The following PREX1 variants were observed in gnomAD, a reference collection of about 807,000 sequenced individuals.
The protein encoded by PREX1 is phosphatidylinositol-3,4,5-trisphosphate dependent Rac exchange factor 1, also known as phosphatidylinositol 3,4,5-trisphosphate-dependent Rac exchanger 1 protein.
Under a neutral mutation model 198.3 loss-of-function variants are expected in PREX1, and 41 were observed. The observed-to-expected ratio is 0.21, with a 90% CI of 0.16 to 0.27. The LOEUF (loss-of-function observed/expected upper bound fraction) is 0.27. Among genes scored for constraint, PREX1 ranks in the 10% least tolerant of loss-of-function variants. The pLI, the probability that PREX1 is intolerant of heterozygous loss-of-function variation, is 1.00. For synonymous variants in PREX1, 843 were observed against 887.2 expected (o/e 0.95, Z 0.89); for missense variants, 1,620 against 2,200.7 (o/e 0.74, Z 5.28).
intron 1 of PREX1, among the ~76,000 whole-genome samples, chr20:48,769,763 C>T (rs1383167593): frequency 6.6e-6 from 1 of 152,220 alleles, no homozygotes; most frequent in South Asian, 2.1e-4. Flanking sequence ...GTGAAGCCTG[C>T]CCTGCCCACA....
chr20:48,769,011 C>T (rs2090222262), intron 1 of PREX1, among the ~76,000 whole-genome samples: 1 of 151,954 alleles, frequency 6.6e-6, no homozygotes, highest in South Asian at 2.1e-4. Context: ...GGTTTGTCTA[C>T]TGTCCACGCA....
At chr20:48,658,102 A>T (rs752644412) in intron 17 of PREX1, 34 bp downstream of exon 17, 2 of 1,596,330 alleles carry the variant, frequency 1.3e-6, no homozygotes, top group South Asian at 2.2e-5. Flanking sequence ...TGCCACCTGC[A>T]CACGGTCCCT....
At chr20:48,755,440 C>A (rs1004114779) in intron 1 of PREX1, among the ~76,000 whole-genome samples, 2 of 152,166 alleles carry the variant, frequency 1.3e-5, no homozygotes, top group African/African-American at 4.8e-5. Context: ...TGTGGGCATG[C>A]AACTAAGTTC....
At chr20:48,758,167 C>T (rs1394686924) in intron 1 of PREX1, among the ~76,000 whole-genome samples, 2 of 152,180 alleles carry the variant, frequency 1.3e-5, no homozygotes, top group Admixed American at 1.3e-4. Context: ...TGAGACCAAG[C>T]AAGTTACCAC....
rs748726462 is a variant in PREX1 at position 48,636,692 on chromosome 20, A to G, written c.3947-9T>C. ...CAGCTGCAGCTCCGTGTCTGGGGGC[A>G]GAGGGCAGGAGGCCTTGCTGGAGGG... On this transcript the variant is annotated splice_polypyrimidine_tract_variant and intron_variant, in intron 31 of 39. Coordinates refer to ENST00000371941, the MANE Select transcript of PREX1 (RefSeq NM_020820.4). 1 of 1,588,168 alleles carries G rather than the reference A, an allele frequency of 6.3e-7. No homozygotes were observed. The highest frequency in any genetic ancestry group is 1.1e-5 in the South Asian group (1 of 88,494).
rs544584686 is a variant in PREX1 at position 48,649,183 on chromosome 20, A to C, written c.3305+117T>G. Reference sequence around the variant, plus strand: ...AAAAAGATACTGCTAAATAGCCTATAATGTCCAGGACAGCCCACCCCCCAC... The same window carrying C: ...AAAAAGATACTGCTAAATAGCCTATCATGTCCAGGACAGCCCACCCCCCAC... On this transcript the variant is annotated intron_variant, in intron 25 of 39. Coordinates refer to ENST00000371941, the MANE Select transcript of PREX1 (RefSeq NM_020820.4). 27 of 1,392,408 alleles carry C rather than the reference A, an allele frequency of 1.9e-5. No individual in the cohort carries two copies. The South Asian group carries it at 2.0e-4, about 10-fold the overall frequency. The allele number at this position is 1,392,408 out of a possible 1,614,324, so 86.3% of individuals were successfully genotyped here.
intron 1 of PREX1, among the ~76,000 whole-genome samples, chr20:48,823,140 G>A (rs1361658992): frequency 6.6e-6 from 1 of 152,190 alleles, no homozygotes; most frequent in Non-Finnish European, 1.5e-5. Context: ...CTGTTCCTCA[G>A]AGACTCCCAT....
Position 48,642,460 on chromosome 20 carries a change from G to A in PREX1, c.3631C>T (p.Pro1211Ser), listed in dbSNP as rs781532811. 5 of 1,613,572 alleles carry A rather than the reference G, an allele frequency of 3.1e-6. No homozygotes were observed. Among genetic ancestry groups the A allele is most frequent in the Non-Finnish European group, 3.4e-6 (4 of 1,179,612 alleles). ...GDELPCDMRI[P>S]SDKQDKLHGC... Reference sequence around the variant, plus strand: ...TGAAGCTTGTCCTGCTTGTCAGATGGGATCCGCATGTCACAGGGCAGCTCA... The same window carrying A: ...TGAAGCTTGTCCTGCTTGTCAGATGAGATCCGCATGTCACAGGGCAGCTCA... The change falls in exon 28 of 40, where the codon CCA becomes TCA. Residue 1211 changes from proline to serine, a missense_variant. This residue lies in a region of PREX1 where 476 missense variants were observed against 603.4 expected (regional missense o/e 0.79). Coordinates refer to ENST00000371941, the MANE Select transcript of PREX1 (RefSeq NM_020820.4).
chr20:48,882,501 CA>C, the PREX1 span, among the ~76,000 whole-genome samples: 118 of 66,882 alleles, frequency 1.8e-3, no homozygotes, highest in East Asian at 0.011. Context: ...GACTCCGTCT[CA>C]AAAAAAAAAA....
intron 10 of PREX1, among the ~76,000 whole-genome samples, chr20:48,682,478 T>C (rs1385905664): frequency 1.3e-5 from 2 of 152,216 alleles, no homozygotes; most frequent in African/African-American, 2.4e-5. Flanking sequence ...GTGTTTTCTC[T>C]GTCTTATTCA....
At chr20:48,661,538 T>TGTGC (rs1447123989) in intron 15 of PREX1, among the ~76,000 whole-genome samples, 1 of 128,132 alleles carries the variant, frequency 7.8e-6, no homozygotes, top group Non-Finnish European at 1.6e-5. Flanking sequence ...TGTGTGTGTG[T>TGTGC]GTGTGTATAT....
At chr20:48,769,223 G>A (rs1010342727) in intron 1 of PREX1, among the ~76,000 whole-genome samples, 1 of 151,968 alleles carries the variant, frequency 6.6e-6, no homozygotes, top group Non-Finnish European at 1.5e-5. Context: ...TCGGGAACAG[G>A]AAGCCTGTGT....
intron 1 of PREX1, among the ~76,000 whole-genome samples, chr20:48,806,406 T>G (rs1419954097): frequency 6.6e-6 from 1 of 152,194 alleles, no homozygotes; most frequent in African/African-American, 2.4e-5. Context: ...TGCCCCACAG[T>G]AGGTGTTTCT....
rs3936193 is a variant in PREX1, at chr20:48,629,589, G to A, written c.4626C>T (p.Leu1542=). The change falls in exon 37 of 40, where the codon CTC becomes CTT. Residue 1542 remains leucine (L), a synonymous_variant. Coordinates refer to ENST00000371941, the MANE Select transcript of PREX1 (RefSeq NM_020820.4). ...GGACAAAGGACTTCATGAGGCGGCA[G>A]AGCTCATCCAGGGCATTGATGGGGC... ...LIRPINALDE[L]CRLMKSFVHP... 0.094 allele frequency: 152,040 copies of A among 1,613,766 alleles called. 8,049 individuals carry two copies. The highest frequency in any genetic ancestry group is 0.17 in the East Asian group (7,698 of 44,862).
chr20:48,668,616 G>T (rs1385397353), intron 14 of PREX1, among the ~76,000 whole-genome samples: 1 of 152,214 alleles, frequency 6.6e-6, no homozygotes, highest in Admixed American at 6.5e-5. Context: ...TTCAGAGGCA[G>T]CAGGACTCAG....
At position 48,657,095 on chromosome 20, in the gene PREX1, G is replaced by A; in HGVS notation, c.2068C>T (p.Gln690Ter). The A allele has an allele frequency of 6.2e-7, 1 of 1,610,432 alleles. No individual in the cohort carries two copies. Among genetic ancestry groups the A allele is most frequent in the Non-Finnish European group, 8.5e-7 (1 of 1,178,248 alleles). Residue 690 changes from glutamine (Q) to a stop codon, truncating the protein, a stop_gained, in exon 18 of 40, where the codon CAG becomes TAG. Coordinates refer to ENST00000371941, the MANE Select transcript of PREX1 (RefSeq NM_020820.4). LOFTEE classifies it high-confidence loss of function. Reference sequence around the variant, plus strand: ...AGAGGGCGGCGGGAGCAGAAGGACTGGTTGAGGATGGACTCCACCTCTGAA... The same window carrying A: ...AGAGGGCGGCGGGAGCAGAAGGACTAGTTGAGGATGGACTCCACCTCTGAA... ...PFSEVESILNQSFCSRRPLRL... is the reference protein window; with the variant it reads ...PFSEVESILN
intron 29 of PREX1, 151 bp downstream of exon 29, chr20:48,642,017 G>A: frequency 1.4e-6 from 1 of 716,828 alleles, no homozygotes; most frequent in Non-Finnish European, 2.4e-6. Context: ...GTCATGGACT[G>A]GATGTGGCCC....
chr20:48,819,938 C>T (rs1388794753), intron 1 of PREX1, among the ~76,000 whole-genome samples: 1 of 152,234 alleles, frequency 6.6e-6, no homozygotes, highest in Non-Finnish European at 1.5e-5. Context: ...CAGAAGCCAC[C>T]CACCCTCCCA....
intron 12 of PREX1, 29 bp from the exon 13 acceptor site, chr20:48,679,438 G>C (rs1369786261): frequency 6.2e-7 from 1 of 1,606,594 alleles, no homozygotes; most frequent in Non-Finnish European, 8.5e-7. Context: ...GGAATTCTGG[G>C]ATCAGGCCAC....
Sources: gnomAD v4.1 joint callset for allele counts (sites outside exome capture counted in the v4.1 genomes callset) on GRCh38, gnomAD v4.1.1 for gene constraint, gnomAD v4.1.1 regional missense constraint, MANE v1.5 for transcripts, NCBI Gene and HGNC (gene_info 2026-07-23, HGNC 2026-07-21) for gene names.